PLCB1: variants seen among roughly 807,000 people sequenced by gnomAD.
PLCB1 encodes phospholipase C beta 1, also known as 1-phosphatidylinositol 4,5-bisphosphate phosphodiesterase beta-1.
In PLCB1, 46 loss-of-function variants were observed where a neutral mutation model predicts 161.8. The ratio of observed to expected loss-of-function variants is 0.28; its 90% CI spans 0.22 to 0.36. The LOEUF (loss-of-function observed/expected upper bound fraction) is 0.36. PLCB1 is among the 10% of genes least tolerant of loss of function. The pLI is 1.00. For synonymous variants in PLCB1, 517 were observed against 503.7 expected, an observed-to-expected ratio of 1.03 and a Z score of -0.35; for missense variants, 1,016 against 1,472.5, an observed-to-expected ratio of 0.69 and a Z score of 5.07.
chr20:8,730,894 T>C (rs1015989250), intron 18 of PLCB1, among the ~76,000 whole-genome samples: 18 of 151,798 alleles, frequency 1.2e-4, no homozygotes. Flanking sequence ...ATTTTATAAA[T>C]GATTGTATTT....
At chr20:8,608,909 C>G (rs747946681) in intron 3 of PLCB1, among the ~76,000 whole-genome samples, 1 of 152,140 alleles carries the variant, frequency 6.6e-6, no homozygotes, top group Non-Finnish European at 1.5e-5. Context: ...GTGATGGCCT[C>G]TGTAATTTGG....
intron 3 of PLCB1, among the ~76,000 whole-genome samples, chr20:8,450,008 G>A (rs1266828922): frequency 6.6e-6 from 1 of 152,190 alleles, no homozygotes; most frequent in East Asian, 1.9e-4. Context: ...GCTAATGGTA[G>A]TATATTGAAA....
chr20:8,253,832 C>A (rs1386506051), intron 2 of PLCB1, among the ~76,000 whole-genome samples: 1 of 151,826 alleles, frequency 6.6e-6, no homozygotes, highest in East Asian at 1.9e-4. Flanking sequence ...TCACCAGTAT[C>A]CAATATTTAG....
intron 7 of PLCB1, among the ~76,000 whole-genome samples, chr20:8,654,877 A>T (rs972715685): frequency 1.3e-5 from 2 of 152,000 alleles, no homozygotes; most frequent in African/African-American, 4.8e-5. Context: ...TTACCTAAAC[A>T]TCTCCCCTAT....
intron 3 of PLCB1, among the ~76,000 whole-genome samples, chr20:8,511,634 T>G (rs1344855915): frequency 6.6e-6 from 1 of 152,180 alleles, no homozygotes; most frequent in Non-Finnish European, 1.5e-5. Flanking sequence ...TTTATATTCC[T>G]GCCAACTGTG....
intron 18 of PLCB1, chr20:8,729,684 C>G (rs1371255053): frequency 6.6e-6 from 1 of 151,992 alleles, no homozygotes; most frequent in Non-Finnish European, 1.5e-5. Flanking sequence ...ATTTCAATAG[C>G]TGCATACTAA....
At chr20:8,629,979 TTTCTTTC>T (rs796535329) in intron 4 of PLCB1, among the ~76,000 whole-genome samples, 82 of 39,964 alleles carry the variant, frequency 2.1e-3, no homozygotes, top group Non-Finnish European at 3.1e-3. Flanking sequence ...TCTTTCTTTC[TTTCTTTC>T]TTTCTTTCTT....
intron 3 of PLCB1, among the ~76,000 whole-genome samples, chr20:8,445,363 G>A (rs902949777): frequency 6.6e-6 from 1 of 152,134 alleles, no homozygotes; most frequent in African/African-American, 2.4e-5. Context: ...TTGTAAATGT[G>A]TGGTATTATT....
chr20:8,136,349 G>A (rs910023431), intron 1 of PLCB1, among the ~76,000 whole-genome samples: 19 of 152,112 alleles, frequency 1.2e-4, no homozygotes, highest in African/African-American at 2.9e-4. Context: ...ATTGTCGGCC[G>A]GGCGCGGTGG....
chr20:8,226,673 A>C (rs986787660), intron 2 of PLCB1, among the ~76,000 whole-genome samples: 2 of 152,100 alleles, frequency 1.3e-5, no homozygotes, highest in Middle Eastern at 3.4e-3. Flanking sequence ...AGAAATGAAA[A>C]GGAGCAAGTA....
chr20:8,181,998 A>T (rs765325016), intron 2 of PLCB1, among the ~76,000 whole-genome samples: 1 of 152,074 alleles, frequency 6.6e-6, no homozygotes, highest in Non-Finnish European at 1.5e-5. Context: ...TACCACTAAT[A>T]CTGATATTTA....
chr20:8,614,467 A>G (rs996613845), intron 3 of PLCB1, among the ~76,000 whole-genome samples: 2 of 152,118 alleles, frequency 1.3e-5, no homozygotes, highest in Non-Finnish European at 2.9e-5. Context: ...GTAGAATACT[A>G]CAGAACCAAA....
intron 31 of PLCB1, among the ~76,000 whole-genome samples, chr20:8,803,566 A>G (rs1984386813): frequency 6.6e-6 from 1 of 151,360 alleles, no homozygotes; most frequent in Non-Finnish European, 1.5e-5. Context: ...TTTCTGTATT[A>G]CCTTGTAATG....
chr20:8,679,636 T>G (rs1299068487), intron 9 of PLCB1, among the ~76,000 whole-genome samples: 2 of 152,220 alleles, frequency 1.3e-5, no homozygotes, highest in Non-Finnish European at 2.9e-5. Flanking sequence ...GAGCATTGTT[T>G]TTTCCATTCC....
chr20:8,837,514 A>G (rs1986334482), intron 31 of PLCB1, among the ~76,000 whole-genome samples: 1 of 152,218 alleles, frequency 6.6e-6, no homozygotes, highest in African/African-American at 2.4e-5. Context: ...AAAGTGCTGT[A>G]ATAGTTTGTT....
In PLCB1 at chr20:8,132,488, C is replaced by T; in HGVS notation, c.-164C>T. On this transcript the variant is annotated 5_prime_UTR_variant, in exon 1 of 32. Transcript: ENST00000338037. This position sits in a 1 kb window ranked among gnomAD's most constrained non-coding sequence, Gnocchi z 5.2. Reference sequence around the variant, plus strand: ...GCGCGCTCTGCCTGCTGAGCGGCGCCGGAGGGAGGTGCGGAGGCCGGGAGG... The same window carrying T: ...GCGCGCTCTGCCTGCTGAGCGGCGCTGGAGGGAGGTGCGGAGGCCGGGAGG... 5.4e-6 allele frequency: 2 copies of T among 370,232 alleles called. No homozygotes were observed. Among genetic ancestry groups the T allele is most frequent in the Non-Finnish European group, 9.6e-6 (2 of 208,442 alleles). The allele number at this position is 370,232 out of a possible 1,614,324, so 22.9% of individuals were successfully genotyped here.
Position 8,722,383 on chromosome 20 carries a change from G to A in PLCB1, c.1543G>A (p.Asp515Asn), listed in dbSNP as rs745450384. 6 of 1,606,756 alleles carry A rather than the reference G, an allele frequency of 3.7e-6. No homozygotes were observed. Among genetic ancestry groups the A allele is most frequent in the South Asian group, 3.3e-5 (3 of 90,136 alleles). Residue 515 changes from aspartate to asparagine, a missense_variant, in exon 15 of 32, where the codon GAT becomes AAT. Coordinates refer to ENST00000338037, the MANE Select transcript of PLCB1 (RefSeq NM_015192.4). ...AGCTGATACGGAAAGTGACGACGAC[G>A]ATGATGATGATGACTGTAAAAAATC... The part of the protein sequence containing the change: ...GEADTESDDD[D>N]DDDDCKKSSM...
At chr20:8,321,444 T>G (rs1984914610) in intron 2 of PLCB1, among the ~76,000 whole-genome samples, 1 of 151,858 alleles carries the variant, frequency 6.6e-6, no homozygotes, top group African/African-American at 2.4e-5. Flanking sequence ...GAATTTGGTA[T>G]CTGTTAATGA....
intron 7 of PLCB1, among the ~76,000 whole-genome samples, chr20:8,650,276 G>A (rs1437727211): frequency 6.6e-6 from 1 of 151,896 alleles, no homozygotes; most frequent in Non-Finnish European, 1.5e-5. Flanking sequence ...GCTAAAACAG[G>A]GGGAGCGGAA....
Sources: gnomAD v4.1 joint callset for allele counts (sites outside exome capture counted in the v4.1 genomes callset) on GRCh38, gnomAD v4.1.1 for gene constraint, Gnocchi (gnomAD v3.1) non-coding constraint, MANE v1.5 for transcripts, NCBI Gene and HGNC (gene_info 2026-07-23, HGNC 2026-07-21) for gene names.